LTN1: variants seen among roughly 807,000 people sequenced by gnomAD.
The protein encoded by LTN1 is listerin E3 ubiquitin protein ligase 1.
LTN1 carries 88 observed loss-of-function variants against 201.2 expected under a neutral mutation model. That is an observed-to-expected ratio of 0.44 (90% CI 0.37 to 0.52). The LOEUF is 0.52. Among genes scored for constraint, LTN1 ranks in the 20% least tolerant of loss-of-function variants. The probability of loss-of-function intolerance (pLI) is 0.00; values close to 1 mark genes in which losing one functional copy is unlikely to be tolerated. For missense variants in LTN1, 1,752 were observed against 2,038.7 expected (o/e 0.86, Z 2.71); for synonymous variants, 645 against 713.5 (o/e 0.90, Z 1.53).
intron 1 of LTN1, among the ~76,000 whole-genome samples, chr21:28,991,636 A>T (rs1042716594): frequency 2.0e-5 from 3 of 152,246 alleles, no homozygotes; most frequent in Non-Finnish European, 4.4e-5. Flanking sequence ...CCTCATAAGA[A>T]CTTTTCAAAT....
intron 6 of LTN1, among the ~76,000 whole-genome samples, chr21:28,976,310 T>C (rs763184025): frequency 2.0e-5 from 3 of 152,136 alleles, no homozygotes; most frequent in Admixed American, 6.5e-5. Context: ...CCCAAATAAC[T>C]TGAGAGAGGC....
At chr21:28,951,125 A>C (rs1024942325) in intron 18 of LTN1, among the ~76,000 whole-genome samples, 2 of 152,226 alleles carry the variant, frequency 1.3e-5, no homozygotes, top group Non-Finnish European at 2.9e-5. Context: ...AAAGTTATGC[A>C]AAACAGTACC....
intron 6 of LTN1, among the ~76,000 whole-genome samples, chr21:28,976,107 T>C (rs973717896): frequency 1.4e-5 from 2 of 147,494 alleles, no homozygotes; most frequent in African/African-American, 4.9e-5. Flanking sequence ...ACAAAAGGAA[T>C]GCATTTTGGG....
intron 11 of LTN1, chr21:28,961,525 C>A: frequency 6.0e-6 from 1 of 165,896 alleles, no homozygotes. Context: ...TGGTTCATTT[C>A]AAAGCAATCT....
At chr21:28,965,396 T>C (rs913726594) in intron 11 of LTN1, among the ~76,000 whole-genome samples, 1 of 152,208 alleles carries the variant, frequency 6.6e-6, no homozygotes, top group African/African-American at 2.4e-5. Context: ...TTACCACTAA[T>C]TTTCTTAGTC....
intron 16 of LTN1, among the ~76,000 whole-genome samples, chr21:28,956,530 C>A (rs1227624217): frequency 6.6e-6 from 1 of 152,004 alleles, no homozygotes; most frequent in Non-Finnish European, 1.5e-5. Flanking sequence ...GTAGCTAACA[C>A]CAAATTACGA....
chr21:28,970,658 T>A lies in LTN1; in HGVS notation c.1069A>T (p.Thr357Ser). The change falls in exon 8 of 30, where the codon ACT becomes TCT. Residue 357 changes from threonine (T) to serine (S), a missense_variant. Coordinates refer to ENST00000361371, the MANE Select transcript of LTN1 (RefSeq NM_015565.3). Reference sequence around the variant, plus strand: ...GGCAGAAGGTAAGGATATATGACAGTAGCTAGACCCCGACCACCTTCACGA... The same window carrying A: ...GGCAGAAGGTAAGGATATATGACAGAAGCTAGACCCCGACCACCTTCACGA... ...VIREGGRGLA[T>S]VIYPYLLPFI... 1 of 1,613,858 alleles carries A rather than the reference T, an allele frequency of 6.2e-7. No individual in the cohort carries two copies. Among genetic ancestry groups the A allele is most frequent in the Non-Finnish European group, 8.5e-7 (1 of 1,179,798 alleles).
chr21:28,987,008 TATTCCCATGGTC>T, intron 1 of LTN1, 74 bp from the exon 2 acceptor site: 1 of 950,110 alleles, frequency 1.1e-6, no homozygotes, highest in Non-Finnish European at 1.7e-6. Flanking sequence ...ATTCCTTGGC[TATTCCCATGGTC>T]AGAATGAGCT....
intron 27 of LTN1, among the ~76,000 whole-genome samples, chr21:28,932,881 G>T (rs1287018127): frequency 6.6e-6 from 1 of 152,160 alleles, no homozygotes; most frequent in Non-Finnish European, 1.5e-5. Context: ...TGTTTTAAAA[G>T]AAATTAATTG....
intron 22 of LTN1, 27 bp downstream of exon 22, chr21:28,944,356 C>T (rs1380327873): frequency 1.3e-6 from 2 of 1,544,156 alleles, no homozygotes; most frequent in Non-Finnish European, 1.8e-6. Context: ...ATGAATCAAT[C>T]TCACTATTAT....
At position 28,946,227 on chromosome 21, in the gene LTN1, C is replaced by T; in HGVS notation, c.3548G>A (p.Gly1183Glu). Residue 1183 changes from glycine to glutamate, a missense_variant, in exon 20 of 30, where the codon GGA (glycine) becomes GAA (glutamate). This residue lies in a region of LTN1 where 1,211 missense variants were observed against 1,312.8 expected (regional missense o/e 0.92). Transcript: ENST00000361371. ...TTTTAATATTCCATGTAATAGCTCT[C>T]CATCATCTATACTTTTGGTTTGCAG... Reference protein sequence around the residue: ...SCLQTKSIDDGELLHGILKII... With the variant: ...SCLQTKSIDDEELLHGILKII... The T allele has an allele frequency of 1.3e-6, 2 of 1,590,614 alleles. No homozygotes were observed. Among genetic ancestry groups the T allele is most frequent in the African/African-American group, 1.4e-5 (1 of 73,820 alleles).
In LTN1 at chr21:28,981,214, A is replaced by G; in HGVS notation, c.715T>C (p.Leu239=). 5 of 1,600,360 alleles carry G rather than the reference A, an allele frequency of 3.1e-6. No individual in the cohort carries two copies. Among genetic ancestry groups the G allele is most frequent in the Non-Finnish European group, 4.3e-6 (5 of 1,176,018 alleles). ...LLALKRLLCL[L]PDNELDSLEE... ...AGAGAATCAAGCTCATTATCAGGTA[A>G]AAGGCAAAGTAATCTCTTTAATGCC... The change falls in exon 6 of 30, where the codon TTA becomes CTA. Residue 239 remains leucine, a synonymous_variant. Transcript: ENST00000361371.
In LTN1 at chr21:28,983,313, A is replaced by G. The variant is rs143848921; in HGVS notation, c.577-945T>C. Among the ~76,000 whole-genome samples, 171 of 152,352 alleles carry G rather than the reference A, an allele frequency of 1.1e-3. 4 individuals are homozygous for G. The East Asian group carries it at 0.024, about 21-fold the overall frequency. Reference sequence around the variant, plus strand: ...TTTTCTAAAGCCTATGAAGAGCCAAACTAGTTGTCTCAAAATCCATTTCCT... The same window carrying G: ...TTTTCTAAAGCCTATGAAGAGCCAAGCTAGTTGTCTCAAAATCCATTTCCT... On this transcript the variant is annotated intron_variant, in intron 4 of 29. Transcript: ENST00000361371.
intron 5 of LTN1, among the ~76,000 whole-genome samples, chr21:28,981,878 T>C (rs1601002398): frequency 1.3e-5 from 2 of 152,324 alleles, no homozygotes; most frequent in African/African-American, 4.8e-5. Flanking sequence ...CATACAGCAT[T>C]ATGTTATTTT....
intron 1 of LTN1, among the ~76,000 whole-genome samples, chr21:28,987,264 T>A (rs1311941654): frequency 6.6e-6 from 1 of 152,202 alleles, no homozygotes. Flanking sequence ...AAAATCAGAA[T>A]GTATCACATG....
chr21:28,943,966 T>C, intron 22 of LTN1, 62 bp from the exon 23 acceptor site: 1 of 814,872 alleles, frequency 1.2e-6, no homozygotes, highest in Non-Finnish European at 2.0e-6. Context: ...GCTTAAATGA[T>C]TCACAAACAA....
In LTN1 at chr21:28,970,707, C is replaced by T. The variant is rs1203836112; in HGVS notation, c.1020G>A (p.Val340=). The change falls in exon 8 of 30, where the codon GTG becomes GTA. Residue 340 remains valine, a synonymous_variant. Coordinates refer to ENST00000361371, the MANE Select transcript of LTN1 (RefSeq NM_015565.3). Reference sequence around the variant, plus strand: ...GAATCACAGTTGATAGCTTGGGAAACACACTCTTTTTTGCATTTACATGAA... The same window carrying T: ...GAATCACAGTTGATAGCTTGGGAAATACACTCTTTTTTGCATTTACATGAA... The part of the protein sequence containing the change: ...CWLHVNAKKS[V]FPKLSTVIRE... The T allele has an allele frequency of 5.6e-6, 9 of 1,613,764 alleles. No homozygotes were observed. The highest frequency in any genetic ancestry group is 1.7e-5 in the Admixed American group (1 of 59,976).
At chr21:28,966,151 T>C (rs1029478430) in intron 10 of LTN1, among the ~76,000 whole-genome samples, 2 of 152,246 alleles carry the variant, frequency 1.3e-5, no homozygotes, top group African/African-American at 2.4e-5. Flanking sequence ...TTTAAATGTA[T>C]AGATTAAAAG....
intron 18 of LTN1, 106 bp from the exon 19 acceptor site, chr21:28,947,712 T>C (rs2084349614): frequency 9.2e-6 from 6 of 650,546 alleles, no homozygotes; most frequent in Non-Finnish European, 1.4e-5. Flanking sequence ...AATAATTCTA[T>C]CACATATAAT....
Sources: gnomAD v4.1 joint callset for allele counts (sites outside exome capture counted in the v4.1 genomes callset) on GRCh38, gnomAD v4.1.1 for gene constraint, gnomAD v4.1.1 regional missense constraint, MANE v1.5 for transcripts, NCBI Gene and HGNC (gene_info 2026-07-23, HGNC 2026-07-21) for gene names.